The following MECR variants were observed in gnomAD, a reference collection of about 807,000 sequenced individuals.
The protein encoded by MECR is mitochondrial trans-2-enoyl-CoA reductase.
In MECR, 37 loss-of-function variants were observed where a neutral mutation model predicts 49.1. The ratio of observed to expected loss-of-function variants is 0.75; its 90% confidence interval spans 0.58 to 0.99. The LOEUF is 0.99. Among genes scored for constraint, MECR ranks in the 50% least tolerant of loss-of-function variants. The pLI is 0.00. For synonymous variants in MECR, 198 were observed against 191.1 expected (o/e 1.04, Z -0.30); for missense variants, 470 against 479.6 (o/e 0.98, Z 0.19).
chr1:29,230,548 G>C, intron 1 of MECR, 183 bp downstream of exon 1: 4 of 629,882 alleles, frequency 6.4e-6, no homozygotes, highest in Non-Finnish European at 5.4e-6. Context: ...ATTGCCTCTC[G>C]GGTCTTCAGC....
At chr1:29,198,016 G>C (rs989629837) in intron 7 of MECR, among the ~76,000 whole-genome samples, 21 of 152,310 alleles carry the variant, frequency 1.4e-4, no homozygotes, top group Admixed American at 1.2e-3. Context: ...GGACTGGAGT[G>C]GGGGAGATGG....
At chr1:29,229,504 C>G (rs1249067500) in intron 1 of MECR, among the ~76,000 whole-genome samples, 1 of 152,188 alleles carries the variant, frequency 6.6e-6, no homozygotes, top group East Asian at 1.9e-4. Flanking sequence ...GTGCCCAGCT[C>G]TAGCCTGAAT....
chr1:29,177,071 A>G, the MECR span, among the ~76,000 whole-genome samples: 101 of 152,366 alleles, frequency 6.6e-4, no homozygotes, highest in Non-Finnish European at 1.1e-3. Context: ...TAAAACCACA[A>G]GATTTTATGA....
chr1:29,220,768 G>A (rs1680583041), intron 1 of MECR: 1 of 357,176 alleles, frequency 2.8e-6, no homozygotes, highest in Non-Finnish European at 3.9e-6. Flanking sequence ...CGTAAAATGG[G>A]ATAACACGAG....
rs147984515 is a variant in MECR, at chr1:29,200,932, A to T, written c.757-343T>A. Among the ~76,000 whole-genome samples, 935 of 152,126 alleles carry T rather than the reference A, an allele frequency of 6.1e-3. 9 individuals carry two copies. Among genetic ancestry groups the T allele is most frequent in the African/African-American group, 0.021 (889 of 41,496 alleles). Reference sequence around the variant, plus strand: ...GCCTCCCAAGTAGCTGGGACTGCAGATGAGTATCATGATGACCAGATAATT... The same window carrying T: ...GCCTCCCAAGTAGCTGGGACTGCAGTTGAGTATCATGATGACCAGATAATT... On this transcript the variant is annotated intron_variant, in intron 6 of 9. Coordinates refer to ENST00000263702, the MANE Select transcript of MECR (RefSeq NM_016011.5).
At chr1:29,168,652 G>C in the MECR span, 1 of 152,068 alleles carries the variant, frequency 6.6e-6, no homozygotes, top group Non-Finnish European at 1.5e-5. Context: ...GAAGAATAGA[G>C]GAAAAATAAG....
At chr1:29,196,088 T>C (rs772278669) in intron 8 of MECR, 75 bp from the exon 9 acceptor site, 3 of 1,597,054 alleles carry the variant, frequency 1.9e-6, no homozygotes, top group Non-Finnish European at 2.6e-6. Flanking sequence ...CAGACTCCCC[T>C]CCAGGAACGG....
chr1:29,200,229 G>C (rs1462028918), intron 7 of MECR: 1 of 266,896 alleles, frequency 3.7e-6, no homozygotes, highest in African/African-American at 2.2e-5. Context: ...ACATCCCTAG[G>C]TTATAAATCC....
At chr1:29,217,968 G>A (rs926041797) in intron 1 of MECR, among the ~76,000 whole-genome samples, 1 of 152,204 alleles carries the variant, frequency 6.6e-6, no homozygotes, top group Admixed American at 6.5e-5. Flanking sequence ...TCCACTGCAG[G>A]ATGCCTGGGT....
intron 3 of MECR, among the ~76,000 whole-genome samples, chr1:29,213,526 G>A (rs954097969): frequency 1.3e-5 from 2 of 152,224 alleles, no homozygotes; most frequent in African/African-American, 4.8e-5. Flanking sequence ...CAGAGCAACC[G>A]GAGTGGCCCT....
In MECR at chr1:29,227,964, G is replaced by C. The variant is rs145922867; in HGVS notation, c.176+2767C>G. 5.3e-5 allele frequency among the ~76,000 whole-genome samples: 8 copies of C among 152,268 alleles called. No homozygotes were observed. The East Asian group carries it at 1.5e-3, about 29-fold the overall frequency. ...CCACAAGGCAGTGGTTCTCAAGCCT[G>C]GCCTGGGCAGCAGAGTCACCTGGAG... is the stretch of plus-strand genomic sequence containing the variant. On this transcript the variant is annotated intron_variant, in intron 1 of 9. Transcript: ENST00000263702.
chr1:29,206,159 C>T (rs866216870), intron 4 of MECR, among the ~76,000 whole-genome samples: 105 of 152,320 alleles, frequency 6.9e-4, no homozygotes, highest in African/African-American at 1.9e-3. Context: ...TCACCCTCCA[C>T]GTTCTTTATT....
intron 7 of MECR, among the ~76,000 whole-genome samples, chr1:29,199,091 A>C (rs1451866244): frequency 6.6e-6 from 1 of 152,240 alleles, no homozygotes; most frequent in Non-Finnish European, 1.5e-5. Context: ...CTCAGAGGGC[A>C]CATCAGTGTC....
intron 1 of MECR, chr1:29,223,290 C>T (rs573198477): frequency 1.0e-6 from 1 of 985,330 alleles, no homozygotes; most frequent in African/African-American, 1.7e-5. Context: ...ACAAGGGAGA[C>T]AAAAGCAGGC....
intron 1 of MECR, among the ~76,000 whole-genome samples, chr1:29,217,905 T>C (rs1359235003): frequency 1.3e-5 from 2 of 152,190 alleles, no homozygotes; most frequent in Non-Finnish European, 2.9e-5. Context: ...AGGAGGATTC[T>C]TGTCTGGCAG....
the MECR span, among the ~76,000 whole-genome samples, chr1:29,173,917 G>A: frequency 2.2e-4 from 34 of 151,606 alleles, no homozygotes; most frequent in Middle Eastern, 3.4e-3. Context: ...TGGTGGGTGC[G>A]GTGGCTCACG....
chr1:29,177,244 AG>A, the MECR span, among the ~76,000 whole-genome samples: 1 of 151,804 alleles, frequency 6.6e-6, no homozygotes, highest in South Asian at 2.1e-4. Flanking sequence ...ACGTGCATCT[AG>A]GATTCCTGCC....
chr1:29,182,356 TTGAGAATTATA>T, the MECR span, among the ~76,000 whole-genome samples: 7 of 152,090 alleles, frequency 4.6e-5, no homozygotes, highest in Non-Finnish European at 1.0e-4. Flanking sequence ...CAGAGTTGTC[TTGAGAATTATA>T]TGAGAATACG....
chr1:29,189,403 G>T (rs918351030), downstream of MECR, among the ~76,000 whole-genome samples: 8 of 150,818 alleles, frequency 5.3e-5, no homozygotes, highest in South Asian at 1.3e-3. Context: ...GGTTGGGGGG[G>T]GGTCTCCTCA....
Sources: allele counts gnomAD v4.1 joint callset (sites outside exome capture counted in the v4.1 genomes callset), GRCh38; gene constraint gnomAD v4.1.1; transcripts MANE v1.5; gene names NCBI Gene and HGNC (gene_info 2026-07-23, HGNC 2026-07-21).